The following DIP2B variants were observed in gnomAD, a reference collection of about 807,000 sequenced individuals.
DIP2B encodes the protein disco-interacting protein 2 homolog B.
DIP2B carries 76 observed loss-of-function variants against 198.0 expected under a neutral mutation model. That is an observed-to-expected ratio of 0.38 (90% CI 0.32 to 0.46). The LOEUF is 0.46. Among genes scored for constraint, DIP2B ranks in the 20% least tolerant of loss-of-function variants. DIP2B has a pLI of 0.99. For synonymous variants in DIP2B, 701 were observed against 739.1 expected, an observed-to-expected ratio of 0.95 and a Z score of 0.84; for missense variants, 1,559 against 1,978.4, an observed-to-expected ratio of 0.79 and a Z score of 4.02.
At chr12:50,525,920 A>G (rs976749176) in intron 1 of DIP2B, among the ~76,000 whole-genome samples, 1 of 150,986 alleles carries the variant, frequency 6.6e-6, no homozygotes, top group Non-Finnish European at 1.5e-5. Context: ...TAAATTAGCA[A>G]CCCCTCCCAT....
At chr12:50,671,429 A>G (rs1454477679) in intron 5 of DIP2B, 31 bp downstream of exon 5, 2 of 1,604,112 alleles carry the variant, frequency 1.2e-6, no homozygotes, top group Admixed American at 3.3e-5. Flanking sequence ...AGAAGCCCAA[A>G]TTACATTCCA....
chr12:50,724,673 G>T lies in DIP2B; in HGVS notation c.3289-102G>T, dbSNP rs530463425. 1.2e-4 allele frequency: 107 copies of T among 894,452 alleles called. No individual in the cohort carries two copies. The African/African-American group carries it at 1.7e-3, about 14-fold the overall frequency. 55.4% of individuals were successfully genotyped at this position (894,452 alleles called of 1,614,324 possible). ...CACATGTGTTCTTTGAAACTGTCCTGTCCAGTGTGGTACATGAGTGGCTTT... is the reference window on the plus strand; with the variant it reads ...CACATGTGTTCTTTGAAACTGTCCTTTCCAGTGTGGTACATGAGTGGCTTT... On this transcript the variant is annotated intron_variant, in intron 27 of 37. Coordinates refer to ENST00000301180, the MANE Select transcript of DIP2B (RefSeq NM_173602.3).
At chr12:50,557,054 CCAGG>C (rs1958477997) in intron 1 of DIP2B, among the ~76,000 whole-genome samples, 1 of 151,940 alleles carries the variant, frequency 6.6e-6, no homozygotes, top group South Asian at 2.1e-4. Flanking sequence ...ACCATGTTGG[CCAGG>C]CTGGTCTTGA....
At chr12:50,695,168 A>G in intron 14 of DIP2B, 99 bp from the exon 15 acceptor site, 2 of 891,976 alleles carry the variant, frequency 2.2e-6, no homozygotes, top group Non-Finnish European at 3.5e-6. Flanking sequence ...TTTGAGTATT[A>G]CTTGTATAAT....
intron 1 of DIP2B, among the ~76,000 whole-genome samples, chr12:50,578,428 T>G (rs985971823): frequency 6.6e-6 from 1 of 152,170 alleles, no homozygotes; most frequent in Non-Finnish European, 1.5e-5. Context: ...TTTTGACATA[T>G]TTCATTATAT....
intron 1 of DIP2B, among the ~76,000 whole-genome samples, chr12:50,576,063 A>AT (rs1776105283): frequency 1.4e-5 from 2 of 137,970 alleles, no homozygotes; most frequent in African/African-American, 5.5e-5. Flanking sequence ...TGGCCCTGAT[A>AT]TTTTTTTTCA....
At chr12:50,728,815 C>T (rs964300445) in intron 30 of DIP2B, 137 bp downstream of exon 30, 1 of 1,209,968 alleles carries the variant, frequency 8.3e-7, no homozygotes, top group Non-Finnish European at 1.1e-6. Context: ...TATGGATCTA[C>T]TGTGTCTCTG....
chr12:50,649,035 AG>A (rs1413366397), intron 3 of DIP2B, among the ~76,000 whole-genome samples: 1 of 152,236 alleles, frequency 6.6e-6, no homozygotes, highest in Non-Finnish European at 1.5e-5. Flanking sequence ...AAATATATTT[AG>A]GAATAAACTT....
At chr12:50,702,201 C>G (rs561511534) in intron 19 of DIP2B, among the ~76,000 whole-genome samples, 1 of 152,120 alleles carries the variant, frequency 6.6e-6, no homozygotes. Flanking sequence ...AAAAAATTAG[C>G]CAGGCATGGT....
At chr12:50,512,697 T>G (rs1179693068) in intron 1 of DIP2B, among the ~76,000 whole-genome samples, 1 of 151,986 alleles carries the variant, frequency 6.6e-6, no homozygotes, top group Non-Finnish European at 1.5e-5. Flanking sequence ...CAGGTATGAG[T>G]TTCATCAACA....
intron 37 of DIP2B, among the ~76,000 whole-genome samples, chr12:50,744,199 G>A (rs1940306348): frequency 6.6e-6 from 1 of 151,910 alleles, no homozygotes; most frequent in African/African-American, 2.4e-5. Flanking sequence ...GCGGGATTTC[G>A]CCATGTTGGC....
chr12:50,676,566 C>T (rs893777677), intron 7 of DIP2B, among the ~76,000 whole-genome samples: 2 of 152,140 alleles, frequency 1.3e-5, no homozygotes, highest in Non-Finnish European at 2.9e-5. Context: ...ATGAAGGTCA[C>T]GGTTTTTAAC....
At chr12:50,633,893 C>A (rs1336073520) in intron 2 of DIP2B, among the ~76,000 whole-genome samples, 1 of 152,162 alleles carries the variant, frequency 6.6e-6, no homozygotes, top group Non-Finnish European at 1.5e-5. Flanking sequence ...TTGGAACTGA[C>A]AGTTGTTTCT....
intron 20 of DIP2B, among the ~76,000 whole-genome samples, chr12:50,704,610 T>C (rs1311811085): frequency 1.3e-5 from 2 of 152,334 alleles, no homozygotes. Flanking sequence ...ATACATAGTA[T>C]ACAGAGCATT....
intron 9 of DIP2B, 148 bp downstream of exon 9, chr12:50,680,911 A>C (rs1439259684): frequency 1.3e-6 from 1 of 790,118 alleles, no homozygotes; most frequent in Non-Finnish European, 2.1e-6. Context: ...GTTCCAACGC[A>C]GGTTAGCCCA....
At chr12:50,712,538 A>C (rs1316423790) in intron 22 of DIP2B, among the ~76,000 whole-genome samples, 6 of 151,894 alleles carry the variant, frequency 4.0e-5, no homozygotes, top group Non-Finnish European at 8.8e-5. Flanking sequence ...CGGGAGGTGG[A>C]GGTTGTGGTG....
chr12:50,589,041 G>A lies in DIP2B; in HGVS notation c.101-36935G>A, dbSNP rs906920185. Among the ~76,000 whole-genome samples, 19 of 151,674 alleles carry A rather than the reference G, an allele frequency of 1.3e-4. No individual in the cohort carries two copies. The East Asian group carries it at 2.5e-3, about 20-fold the overall frequency. On this transcript the variant is annotated intron_variant, in intron 1 of 37. Coordinates refer to ENST00000301180, the MANE Select transcript of DIP2B (RefSeq NM_173602.3). ...CTACTAAAAATACAAAAAATTAGCC[G>A]GGTGTGGTGGCGGGCACCTGTAGTC...
chr12:50,627,632 T>G (rs1272209966), intron 2 of DIP2B, among the ~76,000 whole-genome samples: 2 of 152,208 alleles, frequency 1.3e-5, no homozygotes, highest in Non-Finnish European at 2.9e-5. Flanking sequence ...CCTGGCCTAC[T>G]ATGAGAAATC....
At chr12:50,593,605 G>C (rs1958838607) in intron 1 of DIP2B, among the ~76,000 whole-genome samples, 1 of 151,092 alleles carries the variant, frequency 6.6e-6, no homozygotes, top group Non-Finnish European at 1.5e-5. Context: ...GCCCATCAGA[G>C]ATTACTGAAT....
Sources: gnomAD v4.1 joint callset for allele counts (sites outside exome capture counted in the v4.1 genomes callset) on GRCh38, gnomAD v4.1.1 for gene constraint, MANE v1.5 for transcripts, NCBI Gene and HGNC (gene_info 2026-07-23, HGNC 2026-07-21) for gene names.